HS3ST4: variants seen among roughly 807,000 people sequenced by gnomAD.
The protein encoded by HS3ST4 is heparan sulfate-glucosamine 3-sulfotransferase 4, also known as heparan sulfate glucosamine 3-O-sulfotransferase 4.
HS3ST4 carries 17 observed loss-of-function variants against 29.2 expected under a neutral mutation model. The observed-to-expected ratio is 0.58, with a 90% CI of 0.40 to 0.87. The LOEUF (loss-of-function observed/expected upper bound fraction) is 0.87. HS3ST4 is among the 40% of genes least tolerant of loss of function. The pLI, the probability that HS3ST4 is intolerant of heterozygous loss-of-function variation, is 0.00. For synonymous variants in HS3ST4, 314 were observed against 285.7 expected, an observed-to-expected ratio of 1.10 and a Z score of -1.00; for missense variants, 627 against 634.5, an observed-to-expected ratio of 0.99 and a Z score of 0.13.
At chr16:25,967,251 G>A (rs1968851226) in intron 1 of HS3ST4, among the ~76,000 whole-genome samples, 1 of 152,096 alleles carries the variant, frequency 6.6e-6, no homozygotes, top group South Asian at 2.1e-4. Flanking sequence ...CCTCCTGGGT[G>A]CAAGTGGTTC....
chr16:25,949,051 AT>A (rs60809810), intron 1 of HS3ST4, among the ~76,000 whole-genome samples: 50 of 150,014 alleles, frequency 3.3e-4, no homozygotes, highest in Middle Eastern at 3.5e-3. Context: ...TTATCTGGTA[AT>A]TTTTTTTTTT....
intron 1 of HS3ST4, among the ~76,000 whole-genome samples, chr16:26,119,737 T>C (rs1255303718): frequency 6.6e-6 from 1 of 152,168 alleles, no homozygotes; most frequent in Non-Finnish European, 1.5e-5. Context: ...TGAACAAATA[T>C]TTATCGAGGC....
chr16:25,693,761 T>C (rs1966273998), intron 1 of HS3ST4, among the ~76,000 whole-genome samples: 1 of 152,116 alleles, frequency 6.6e-6, no homozygotes, highest in African/African-American at 2.4e-5. Flanking sequence ...ACGGAGTTGA[T>C]TTTGCACCAG....
At chr16:25,854,833 G>T (rs1967559521) in intron 1 of HS3ST4, among the ~76,000 whole-genome samples, 1 of 151,982 alleles carries the variant, frequency 6.6e-6, no homozygotes, top group African/African-American at 2.4e-5. Context: ...ATTTAAAGAG[G>T]TTTATTCTGA....
chr16:25,975,580 A>G (rs1250625609), intron 1 of HS3ST4, among the ~76,000 whole-genome samples: 1 of 152,136 alleles, frequency 6.6e-6, no homozygotes, highest in Non-Finnish European at 1.5e-5. Context: ...AAGAAAAGAA[A>G]AATATCCAGA....
Position 25,789,403 on chromosome 16 carries a change from TTTCCTTCCTTCCTTCCTTCCTTCC to T in HS3ST4, c.734+96296_734+96319del, listed in dbSNP as rs745858843. 3.5e-3 allele frequency among the ~76,000 whole-genome samples: 253 copies of T among 72,740 alleles called. 3 individuals are homozygous for T. Among genetic ancestry groups the T allele is most frequent in the African/African-American group, 0.015 (232 of 15,362 alleles). The allele number at this position is 72,740 out of a possible 152,430, so 47.7% of individuals were successfully genotyped here. On this transcript the variant is annotated intron_variant, in intron 1 of 1. Coordinates refer to ENST00000331351, the MANE Select transcript of HS3ST4 (RefSeq NM_006040.3). ...TTTCTTTCTTTCTCTTTCTTTGTTT[TTTCCTTCCTTCCTTCCTTCCTTCC>T]TTCCTTCCTTCCTTCCTTCCTTCCT...
At chr16:26,030,666 G>C (rs963564384) in intron 1 of HS3ST4, among the ~76,000 whole-genome samples, 1 of 152,110 alleles carries the variant, frequency 6.6e-6, no homozygotes, top group African/African-American at 2.4e-5. Flanking sequence ...ACTCACCTAG[G>C]TTGAGTCTCA....
chr16:25,795,508 G>T (rs888910009), intron 1 of HS3ST4, among the ~76,000 whole-genome samples: 2 of 151,844 alleles, frequency 1.3e-5, no homozygotes, highest in African/African-American at 4.8e-5. Context: ...CTATTTTATT[G>T]AACATTTAAA....
intron 1 of HS3ST4, among the ~76,000 whole-genome samples, chr16:26,040,062 G>T (rs1969621439): frequency 6.6e-6 from 1 of 152,152 alleles, no homozygotes; most frequent in African/African-American, 2.4e-5. Flanking sequence ...CCTCTAAAAA[G>T]CCTGCAGAAA....
At chr16:26,098,800 T>A (rs1183327976) in intron 1 of HS3ST4, among the ~76,000 whole-genome samples, 1 of 151,802 alleles carries the variant, frequency 6.6e-6, no homozygotes, top group Non-Finnish European at 1.5e-5. Flanking sequence ...GGATATGCTG[T>A]GCAGGGGGGT....
intron 1 of HS3ST4, among the ~76,000 whole-genome samples, chr16:25,715,202 G>A (rs1023744287): frequency 6.6e-6 from 1 of 151,744 alleles, no homozygotes; most frequent in Admixed American, 6.6e-5. Flanking sequence ...GGCGCCTGTA[G>A]TCCCAGCTAC....
At chr16:25,737,809 C>T (rs191032260) in intron 1 of HS3ST4, among the ~76,000 whole-genome samples, 10 of 152,272 alleles carry the variant, frequency 6.6e-5, no homozygotes, top group African/African-American at 2.2e-4. Flanking sequence ...TCCCTTCTCC[C>T]ATCTTTGCTA....
At chr16:26,037,040 G>T (rs1216240941) in intron 1 of HS3ST4, among the ~76,000 whole-genome samples, 1 of 152,180 alleles carries the variant, frequency 6.6e-6, no homozygotes, top group East Asian at 1.9e-4. Context: ...CCCTCCCATT[G>T]TGTGACTTTT....
chr16:25,912,994 A>G (rs938378205), intron 1 of HS3ST4, among the ~76,000 whole-genome samples: 3 of 151,890 alleles, frequency 2.0e-5, no homozygotes, highest in African/African-American at 7.3e-5. Context: ...TGATTATTTG[A>G]TAGTAGATAA....
chr16:25,887,987 G>A lies in HS3ST4; in HGVS notation c.734+194836G>A, dbSNP rs74248783. ...GTTGGGATTATAGGCATGAGCCACC[G>A]CGCCCGTCCCGCTACACTTGATTTG... On this transcript the variant is annotated intron_variant, in intron 1 of 1. Coordinates refer to ENST00000331351, the MANE Select transcript of HS3ST4 (RefSeq NM_006040.3). 7.7e-3 allele frequency among the ~76,000 whole-genome samples: 1,172 copies of A among 152,146 alleles called. 29 individuals are homozygous for A. The highest frequency in any genetic ancestry group is 0.051 in the Admixed American group (774 of 15,280).
intron 1 of HS3ST4, among the ~76,000 whole-genome samples, chr16:25,900,822 A>AT (rs1022859558): frequency 6.6e-6 from 1 of 151,934 alleles, no homozygotes; most frequent in Non-Finnish European, 1.5e-5. Flanking sequence ...AGAACTAGGG[A>AT]TTTTTTTCTC....
At chr16:26,015,333 A>G (rs540384659) in intron 1 of HS3ST4, among the ~76,000 whole-genome samples, 5 of 152,336 alleles carry the variant, frequency 3.3e-5, no homozygotes, top group Admixed American at 3.3e-4. Context: ...CAAGGAAGAA[A>G]TGCAGAAGCA....
At chr16:25,799,712 T>C (rs747179011) in intron 1 of HS3ST4, among the ~76,000 whole-genome samples, 1 of 152,224 alleles carries the variant, frequency 6.6e-6, no homozygotes, top group South Asian at 2.1e-4. Flanking sequence ...TAATTTCACT[T>C]TTCTACATGG....
At chr16:25,950,079 C>T (rs1036064533) in intron 1 of HS3ST4, among the ~76,000 whole-genome samples, 1 of 152,154 alleles carries the variant, frequency 6.6e-6, no homozygotes, top group Non-Finnish European at 1.5e-5. Context: ...GTCTTACCAG[C>T]TTGTGACATC....
Sources: gnomAD v4.1 joint callset for allele counts (sites outside exome capture counted in the v4.1 genomes callset) on GRCh38, gnomAD v4.1.1 for gene constraint, MANE v1.5 for transcripts, NCBI Gene and HGNC (gene_info 2026-07-23, HGNC 2026-07-21) for gene names.